CACNA2D3: variants seen among roughly 807,000 people sequenced by gnomAD.
CACNA2D3 encodes voltage-dependent calcium channel subunit alpha-2/delta-3.
Under a neutral mutation model 160.6 loss-of-function variants are expected in CACNA2D3, and 60 were observed. The ratio of observed to expected loss-of-function variants is 0.37; its 90% CI spans 0.30 to 0.46. The LOEUF is 0.46. CACNA2D3 is among the 20% of genes least tolerant of loss of function. The pLI is 1.00. For missense variants in CACNA2D3, 1,205 were observed against 1,365.0 expected (o/e 0.88, Z 1.85); for synonymous variants, 558 against 492.9 (o/e 1.13, Z -1.75).
chr3:54,561,707 C>T (rs115862126), intron 5 of CACNA2D3, among the ~76,000 whole-genome samples: 5,334 of 152,238 alleles, frequency 0.035, 108 homozygotes, highest in Middle Eastern at 0.068. Flanking sequence ...GAGATTTGCT[C>T]ATGGGATTCC....
intron 27 of CACNA2D3, among the ~76,000 whole-genome samples, chr3:54,906,234 G>C (rs572453973): frequency 5.3e-5 from 8 of 152,124 alleles, no homozygotes; most frequent in Admixed American, 2.0e-4. Context: ...GTGAAAGGGA[G>C]GGAGGGAGGA....
intron 11 of CACNA2D3, among the ~76,000 whole-genome samples, chr3:54,739,915 T>A (rs1475891378): frequency 6.6e-6 from 1 of 152,062 alleles, no homozygotes; most frequent in Admixed American, 6.6e-5. Flanking sequence ...TAAAAAGTAT[T>A]TCAAGAGCTT....
At chr3:54,564,353 T>C (rs1702375868) in intron 6 of CACNA2D3, among the ~76,000 whole-genome samples, 1 of 152,214 alleles carries the variant, frequency 6.6e-6, no homozygotes. Flanking sequence ...GAACAATTGG[T>C]TCAGCCATGC....
chr3:54,248,346 T>A (rs576644974), intron 2 of CACNA2D3, among the ~76,000 whole-genome samples: 1 of 151,940 alleles, frequency 6.6e-6, no homozygotes, highest in Non-Finnish European at 1.5e-5. Context: ...CCGGGCATGG[T>A]GGCATGCTCC....
intron 4 of CACNA2D3, among the ~76,000 whole-genome samples, chr3:54,464,082 A>T (rs892173527): frequency 6.6e-6 from 1 of 151,908 alleles, no homozygotes. Context: ...GCTGCAGAAC[A>T]GCAGTTTTTC....
At chr3:54,857,074 C>G (rs1460720472) in intron 17 of CACNA2D3, among the ~76,000 whole-genome samples, 1 of 152,168 alleles carries the variant, frequency 6.6e-6, no homozygotes, top group Non-Finnish European at 1.5e-5. Flanking sequence ...AGCCACCATG[C>G]CTGGCCAGGA....
intron 3 of CACNA2D3, among the ~76,000 whole-genome samples, chr3:54,324,316 T>C (rs1704075443): frequency 6.6e-6 from 1 of 152,230 alleles, no homozygotes; most frequent in African/African-American, 2.4e-5. Flanking sequence ...GCAATTATCC[T>C]ATCACAGAAA....
intron 35 of CACNA2D3, among the ~76,000 whole-genome samples, chr3:55,043,829 G>C (rs1704014787): frequency 1.3e-5 from 2 of 152,118 alleles, no homozygotes; most frequent in Admixed American, 1.3e-4. Flanking sequence ...GTGTGATTTA[G>C]CATTATGGAT....
chr3:54,566,580 A>G (rs958080095), intron 6 of CACNA2D3, among the ~76,000 whole-genome samples: 12 of 147,440 alleles, frequency 8.1e-5, no homozygotes, highest in Non-Finnish European at 1.2e-4. Context: ...ACTCTTACCT[A>G]CATAAAGAAA....
rs768705628 is a variant in CACNA2D3, at chr3:54,320,477, A to G, written c.240A>G (p.Glu80=). Residue 80 remains glutamate, a synonymous_variant, in exon 3 of 38, where the codon GAA becomes GAG. Coordinates refer to ENST00000474759, the MANE Select transcript of CACNA2D3 (RefSeq NM_018398.3). ...YKEYEKDVAI[E]EIDGLQLVKK... ...AGTATGAGAAAGACGTTGCCATAGAAGAAATTGATGGCCTCCAACTGGTAA... is the reference window on the plus strand; with the variant it reads ...AGTATGAGAAAGACGTTGCCATAGAGGAAATTGATGGCCTCCAACTGGTAA... 6.4e-7 allele frequency: 1 copy of G among 1,563,822 alleles called. No homozygotes were observed. Among genetic ancestry groups the G allele is most frequent in the Non-Finnish European group, 8.7e-7 (1 of 1,152,968 alleles).
At chr3:54,818,925 T>C (rs889195077) in intron 14 of CACNA2D3, among the ~76,000 whole-genome samples, 12 of 152,206 alleles carry the variant, frequency 7.9e-5, no homozygotes, top group African/African-American at 2.9e-4. Context: ...AGTTTGAACG[T>C]AAACCTCAGG....
At chr3:54,706,112 C>T (rs1700853679) in intron 11 of CACNA2D3, among the ~76,000 whole-genome samples, 1 of 152,200 alleles carries the variant, frequency 6.6e-6, no homozygotes, top group African/African-American at 2.4e-5. Flanking sequence ...TCCATGGATC[C>T]AGCATTCCTT....
intron 13 of CACNA2D3, among the ~76,000 whole-genome samples, chr3:54,805,213 G>A (rs1219779939): frequency 6.6e-6 from 1 of 152,180 alleles, no homozygotes; most frequent in Non-Finnish European, 1.5e-5. Context: ...GAGCAGAACT[G>A]AAGGAAATAG....
At chr3:54,778,677 A>AAT (rs1293394531) in intron 13 of CACNA2D3, among the ~76,000 whole-genome samples, 1 of 152,218 alleles carries the variant, frequency 6.6e-6, no homozygotes, top group Non-Finnish European at 1.5e-5. Flanking sequence ...TCGCATCCTC[A>AAT]ATATATGATC....
intron 5 of CACNA2D3, among the ~76,000 whole-genome samples, chr3:54,528,568 G>A (rs967789348): frequency 2.0e-5 from 3 of 152,072 alleles, no homozygotes; most frequent in African/African-American, 7.2e-5. Context: ...ATTGAAACAC[G>A]AAACCTTGCT....
chr3:54,816,502 G>A (rs1703459941), intron 13 of CACNA2D3, among the ~76,000 whole-genome samples: 1 of 152,128 alleles, frequency 6.6e-6, no homozygotes, highest in South Asian at 2.1e-4. Flanking sequence ...AAAACTGCTG[G>A]TCAAAGGAAG....
chr3:54,809,619 C>T (rs974297519), intron 13 of CACNA2D3, among the ~76,000 whole-genome samples: 8 of 151,128 alleles, frequency 5.3e-5, no homozygotes, highest in East Asian at 2.0e-4. Flanking sequence ...CGCCCGGCCC[C>T]TTCCTTCTTT....
chr3:54,970,602 T>G (rs1031688048), intron 29 of CACNA2D3, among the ~76,000 whole-genome samples: 1 of 73,864 alleles, frequency 1.4e-5, no homozygotes, highest in Non-Finnish European at 2.6e-5. Context: ...TCCTCTCCCC[T>G]CCCCTCTCCT....
chr3:54,987,979 C>CA (rs1360180059), intron 31 of CACNA2D3, among the ~76,000 whole-genome samples: 3 of 152,120 alleles, frequency 2.0e-5, no homozygotes, highest in Non-Finnish European at 4.4e-5. Context: ...CCCAGCAGAG[C>CA]ATTTATTGGA....
Sources: allele counts gnomAD v4.1 joint callset (sites outside exome capture counted in the v4.1 genomes callset), GRCh38; gene constraint gnomAD v4.1.1; transcripts MANE v1.5; gene names NCBI Gene and HGNC (gene_info 2026-07-23, HGNC 2026-07-21).